POU6F2: variants seen among roughly 807,000 people sequenced by gnomAD.
POU6F2 encodes the protein POU class 6 homeobox 2.
Under a neutral mutation model 71.3 loss-of-function variants are expected in POU6F2, and 31 were observed. That is an observed-to-expected ratio of 0.43 (90% CI 0.33 to 0.59). The LOEUF is 0.59. POU6F2 is among the 20% of genes least tolerant of loss of function. The pLI is 0.04. For synonymous variants in POU6F2, 347 were observed against 355.7 expected, an observed-to-expected ratio of 0.98 and a Z score of 0.27; for missense variants, 783 against 856.8, an observed-to-expected ratio of 0.91 and a Z score of 1.07.
chr7:39,031,874 G>A (rs1584509201), intron 1 of POU6F2, among the ~76,000 whole-genome samples: 2 of 150,374 alleles, frequency 1.3e-5, no homozygotes, highest in Middle Eastern at 3.4e-3. Flanking sequence ...GAGGGAGACT[G>A]CCTCAAAAAA....
At position 39,431,162 on chromosome 7, in the gene POU6F2, G is replaced by T. The variant is rs189375881; in HGVS notation, c.1114-1915G>T. Among the ~76,000 whole-genome samples the T allele has an allele frequency of 3.4e-3, 523 of 152,280 alleles. 7 individuals carry two copies. Among genetic ancestry groups the T allele is most frequent in the South Asian group, 0.011 (54 of 4,832 alleles). On this transcript the variant is annotated intron_variant, in intron 6 of 9. Transcript: ENST00000518318. ...TGCGGGCTTGCTCAGTGAGACTGCA[G>T]CCCTGCCACACTCCCTAGGGGACAG...
chr7:39,291,029 A>G (rs1784747001), intron 4 of POU6F2, among the ~76,000 whole-genome samples: 1 of 152,052 alleles, frequency 6.6e-6, no homozygotes, highest in Non-Finnish European at 1.5e-5. Flanking sequence ...AAAAAAAAAA[A>G]AAAAAAGCAC....
intron 1 of POU6F2, among the ~76,000 whole-genome samples, chr7:39,057,420 C>T (rs6969723): frequency 0.15 from 22,283 of 151,814 alleles, 2,359 homozygotes; most frequent in African/African-American, 0.31. Flanking sequence ...TTTTCTATTT[C>T]TTTTTATGTC....
At chr7:39,207,082 T>G (rs1050872252) in intron 3 of POU6F2, among the ~76,000 whole-genome samples, 9 of 152,210 alleles carry the variant, frequency 5.9e-5, no homozygotes, top group Non-Finnish European at 1.3e-4. Flanking sequence ...AGCTGAGAGC[T>G]TCAAATATAT....
At chr7:39,076,893 C>CACACAT (rs567557267) in intron 1 of POU6F2, among the ~76,000 whole-genome samples, 35 of 151,178 alleles carry the variant, frequency 2.3e-4, no homozygotes, top group African/African-American at 6.8e-4. Context: ...CACACACACA[C>CACACAT]ACATTAATTA....
At chr7:39,412,565 T>A (rs532102363) in intron 6 of POU6F2, among the ~76,000 whole-genome samples, 4 of 152,156 alleles carry the variant, frequency 2.6e-5, no homozygotes, top group Non-Finnish European at 5.9e-5. Flanking sequence ...ATTCTGACTA[T>A]GTGACTAAAT....
At chr7:39,405,160 T>C (rs549253881) in intron 5 of POU6F2, among the ~76,000 whole-genome samples, 28 of 152,302 alleles carry the variant, frequency 1.8e-4, no homozygotes. Flanking sequence ...TATAAATGAA[T>C]AAAGAAACCG....
rs1787544508 is a variant in POU6F2 at position 39,411,336 on chromosome 7, A to C, written c.1113+4596A>C. The stretch of plus-strand genomic sequence containing the variant: ...ATTGGCTTCCCTGGTGCCCCTGGCA[A>C]TATCTCCTTATTGGCGTTATTGCAG... On this transcript the variant is annotated intron_variant, in intron 6 of 9. Transcript: ENST00000518318. 1.3e-5 allele frequency among the ~76,000 whole-genome samples: 2 copies of C among 152,222 alleles called. 1 individual carries two copies. Among genetic ancestry groups the C allele is most frequent in the Non-Finnish European group, 2.9e-5 (2 of 68,042 alleles).
chr7:39,292,337 A>G (rs1044690800), intron 4 of POU6F2, among the ~76,000 whole-genome samples: 2 of 152,102 alleles, frequency 1.3e-5, no homozygotes, highest in African/African-American at 2.4e-5. Flanking sequence ...TCTGATTACC[A>G]TGTTCATTGT....
intron 2 of POU6F2, among the ~76,000 whole-genome samples, chr7:39,103,176 C>T (rs1791610842): frequency 6.6e-6 from 1 of 152,194 alleles, no homozygotes; most frequent in East Asian, 1.9e-4. Flanking sequence ...TCATAGGAAA[C>T]TCAAATCTTA....
At chr7:39,082,302 T>C (rs1054309860) in intron 1 of POU6F2, among the ~76,000 whole-genome samples, 1 of 152,230 alleles carries the variant, frequency 6.6e-6, no homozygotes, top group South Asian at 2.1e-4. Context: ...ATTGCACACA[T>C]GCAATACTGT....
chr7:39,046,718 C>G (rs1363184869), intron 1 of POU6F2, among the ~76,000 whole-genome samples: 1 of 151,856 alleles, frequency 6.6e-6, no homozygotes, highest in Admixed American at 6.6e-5. Context: ...CTTGCCTGAC[C>G]CCTTCTCACT....
intron 6 of POU6F2, among the ~76,000 whole-genome samples, chr7:39,422,494 A>C (rs1177694744): frequency 6.6e-6 from 1 of 152,200 alleles, no homozygotes; most frequent in Non-Finnish European, 1.5e-5. Flanking sequence ...TCAAATTAGA[A>C]TTCTACAGAT....
chr7:39,029,738 T>G (rs1789896434), intron 1 of POU6F2, among the ~76,000 whole-genome samples: 1 of 152,206 alleles, frequency 6.6e-6, no homozygotes, highest in Non-Finnish European at 1.5e-5. Context: ...TTTTATCTTA[T>G]ATTTTATAAT....
At chr7:39,049,710 A>T (rs530027124) in intron 1 of POU6F2, among the ~76,000 whole-genome samples, 1 of 151,980 alleles carries the variant, frequency 6.6e-6, no homozygotes, top group Non-Finnish European at 1.5e-5. Context: ...TATTTTAGTT[A>T]TTGTACTTTT....
chr7:39,369,214 G>A (rs546760518), intron 5 of POU6F2, among the ~76,000 whole-genome samples: 2 of 152,184 alleles, frequency 1.3e-5, no homozygotes, highest in South Asian at 4.2e-4. Flanking sequence ...TTCTACTGTG[G>A]GTAAAATTAA....
chr7:39,298,390 G>C (rs553756661), intron 4 of POU6F2, among the ~76,000 whole-genome samples: 33 of 152,214 alleles, frequency 2.2e-4, no homozygotes, highest in African/African-American at 7.9e-4. Flanking sequence ...ACATTTACGT[G>C]GCCAACAAAC....
chr7:39,406,693 A>G lies in POU6F2; in HGVS notation c.1066A>G (p.Ser356Gly), dbSNP rs747368655. ...SSQAFGNALSSLQGVTGQLVT... is the reference protein window; with the variant it reads ...SSQAFGNALSGLQGVTGQLVT... ...ACAGGCCTTTGGCAATGCCCTCTCC[A>G]GTCTTCAGGGGGTCACAGGTCAACT... is the stretch of plus-strand genomic sequence containing the variant. The change falls in exon 6 of 10, where the codon AGT (serine) becomes GGT (glycine). Residue 356 changes from serine (S) to glycine (G), a missense_variant. Physicochemically the swap from Ser to Gly is moderately conservative, Grantham distance 56 (BLOSUM62 0). This residue lies in a region of POU6F2 where 572 missense variants were observed against 572.9 expected (regional missense o/e 1.00). Transcript: ENST00000518318. 10 of 1,613,682 alleles carry G rather than the reference A, an allele frequency of 6.2e-6. No homozygotes were observed. In the Admixed American group the frequency reaches 1.7e-4, roughly 27 times the overall value.
intron 2 of POU6F2, chr7:39,120,703 A>G (rs1297330530): frequency 1.3e-5 from 2 of 152,254 alleles, no homozygotes; most frequent in Non-Finnish European, 2.9e-5. Flanking sequence ...TTTAAAATGA[A>G]ATAAAATACA....
Sources: allele counts gnomAD v4.1 joint callset (sites outside exome capture counted in the v4.1 genomes callset), GRCh38; gene constraint gnomAD v4.1.1; regional missense constraint gnomAD v4.1.1; transcripts MANE v1.5; gene names NCBI Gene and HGNC (gene_info 2026-07-23, HGNC 2026-07-21).